The following ADGRL4 variants were observed in gnomAD, a reference collection of about 807,000 sequenced individuals.
ADGRL4 encodes the protein adhesion G protein-coupled receptor L4.
ADGRL4 carries 90 observed loss-of-function variants against 74.8 expected under a neutral mutation model. The observed-to-expected ratio is 1.20, with a 90% CI of 1.02 to 1.43. The LOEUF (loss-of-function observed/expected upper bound fraction) is 1.43. Ranked by LOEUF, ADGRL4 falls within the 40% of genes most tolerant of loss-of-function variation. The pLI is 0.00. For synonymous variants in ADGRL4, 311 were observed against 279.2 expected (o/e 1.11, Z -1.14); for missense variants, 881 against 814.3 (o/e 1.08, Z -1.00).
In ADGRL4 at chr1:78,938,284, G is replaced by GA; in HGVS notation, c.397-6dup. ...AGGTTCTTTTATGGATCTGATCTGA[G>GA]AAAAAATGAGTCCAGAAAAAGGAAA... is the stretch of plus-strand genomic sequence containing the variant. On this transcript the variant is annotated splice_polypyrimidine_tract_variant and splice_region_variant and intron_variant, in intron 4 of 14. Transcript: ENST00000370742. 1.9e-6 allele frequency: 3 copies of GA among 1,552,344 alleles called. No homozygotes were observed. The highest frequency in any genetic ancestry group is 2.5e-5 in the South Asian group (2 of 79,922).
Position 79,005,220 on chromosome 1 carries a change from C to CG in ADGRL4, c.23-2_23-1insC. ...CAATTCAACAAAGTGGAAAAAACCA[C>CG]TAAATAAAATAGAGAAATACACCTT... On this transcript the variant is annotated splice_acceptor_variant, in intron 1 of 14. Transcript: ENST00000370742. LOFTEE classifies it high-confidence loss of function. 6.2e-7 allele frequency: 1 copy of CG among 1,602,030 alleles called. No homozygotes were observed. Among genetic ancestry groups the CG allele is most frequent in the Non-Finnish European group, 8.5e-7 (1 of 1,175,098 alleles).
In ADGRL4 at chr1:78,983,911, AAGTATCTGTAAACTCAGAT is replaced by A. The variant is rs1650444671; in HGVS notation, c.172+21140_172+21158del. 2.0e-5 allele frequency among the ~76,000 whole-genome samples: 3 copies of A among 151,960 alleles called. 1 individual carries two copies. The highest frequency in any genetic ancestry group is 2.0e-4 in the Admixed American group (3 of 15,210). On this transcript the variant is annotated intron_variant, in intron 2 of 14. Transcript: ENST00000370742. ...ATATACCTTCAAAGTTCTTAGGAAA[AAGTATCTGTAAACTCAGAT>A]AGCCATCTTCAGATAAACAAACACA...
intron 3 of ADGRL4, among the ~76,000 whole-genome samples, chr1:78,945,786 T>C (rs994800921): frequency 2.0e-5 from 3 of 151,850 alleles, no homozygotes; most frequent in Non-Finnish European, 4.4e-5. Context: ...ACTTAATGCA[T>C]ATCTGAAGTG....
At chr1:78,992,195 A>C (rs1650619868) in intron 2 of ADGRL4, among the ~76,000 whole-genome samples, 1 of 152,040 alleles carries the variant, frequency 6.6e-6, no homozygotes, top group South Asian at 2.1e-4. Context: ...CCAAAGTGTT[A>C]ATTTCCTCCT....
chr1:78,952,347 C>CTTTTA (rs1649748065), intron 2 of ADGRL4, among the ~76,000 whole-genome samples: 1 of 38,672 alleles, frequency 2.6e-5, no homozygotes, highest in Non-Finnish European at 6.4e-5. Flanking sequence ...TTTTTTTTTC[C>CTTTTA]TCTTTTTCCC....
At chr1:78,912,292 G>A (rs912862418) in intron 12 of ADGRL4, among the ~76,000 whole-genome samples, 1 of 151,828 alleles carries the variant, frequency 6.6e-6, no homozygotes, top group Non-Finnish European at 1.5e-5. Flanking sequence ...GTTGTGCCAA[G>A]GAGACCCCAG....
At chr1:78,901,826 A>G (rs1446620862) in intron 12 of ADGRL4, among the ~76,000 whole-genome samples, 1 of 152,100 alleles carries the variant, frequency 6.6e-6, no homozygotes, top group Non-Finnish European at 1.5e-5. Context: ...TTCAGCACTC[A>G]CTAGGGTCAG....
chr1:78,915,402 AT>A (rs1247115610), intron 12 of ADGRL4, among the ~76,000 whole-genome samples: 10 of 151,926 alleles, frequency 6.6e-5, no homozygotes, highest in African/African-American at 9.7e-5. Context: ...TGAGATCAGG[AT>A]GATAATTTTA....
At chr1:78,983,569 A>G (rs1041506057) in intron 2 of ADGRL4, among the ~76,000 whole-genome samples, 15 of 151,834 alleles carry the variant, frequency 9.9e-5, no homozygotes, top group Non-Finnish European at 1.6e-4. Context: ...ATAAGCAAAG[A>G]GATAGAAGAT....
At chr1:78,923,636 C>T (rs148969285) in intron 8 of ADGRL4, among the ~76,000 whole-genome samples, 20 of 151,756 alleles carry the variant, frequency 1.3e-4, no homozygotes, top group Admixed American at 7.2e-4. Context: ...CAGAAAATAG[C>T]TTTTTTAAAA....
intron 2 of ADGRL4, among the ~76,000 whole-genome samples, chr1:78,975,098 TAGAG>T (rs1239991357): frequency 6.6e-6 from 1 of 152,096 alleles, no homozygotes; most frequent in Non-Finnish European, 1.5e-5. Flanking sequence ...ATTACAATCA[TAGAG>T]AGAAAAATGT....
intron 2 of ADGRL4, among the ~76,000 whole-genome samples, chr1:78,959,859 C>T (rs769473083): frequency 6.6e-6 from 1 of 152,124 alleles, no homozygotes; most frequent in African/African-American, 2.4e-5. Context: ...CATGAACCTT[C>T]TTGATAGATA....
chr1:78,973,925 G>C (rs947327493), intron 2 of ADGRL4, among the ~76,000 whole-genome samples: 5 of 151,928 alleles, frequency 3.3e-5, no homozygotes, highest in Admixed American at 6.6e-5. Context: ...TGGTAGTTAT[G>C]GGCTTTACTT....
chr1:78,981,770 C>T (rs918408874), intron 2 of ADGRL4, among the ~76,000 whole-genome samples: 1 of 151,648 alleles, frequency 6.6e-6, no homozygotes, highest in Non-Finnish European at 1.5e-5. Flanking sequence ...ATATATCTGT[C>T]TTGTGTTATG....
chr1:78,986,962 C>T (rs1570273144), intron 2 of ADGRL4, among the ~76,000 whole-genome samples: 1 of 151,694 alleles, frequency 6.6e-6, no homozygotes, highest in South Asian at 2.1e-4. Flanking sequence ...TATCATGAAA[C>T]TAACGAGGTA....
At position 78,938,093 on chromosome 1, in the gene ADGRL4, T is replaced by A. The variant is rs752981413; in HGVS notation, c.576+7A>T. ...AATTATATTGAGTTAAAGCTGAACA[T>A]ACTTACAGTAAGAGTTGAGTTAGAA... is the stretch of plus-strand genomic sequence containing the variant. On this transcript the variant is annotated splice_region_variant and intron_variant, in intron 5 of 14. Coordinates refer to ENST00000370742, the MANE Select transcript of ADGRL4 (RefSeq NM_022159.4). 9 of 1,612,182 alleles carry A rather than the reference T, an allele frequency of 5.6e-6. No individual in the cohort carries two copies. Among genetic ancestry groups the A allele is most frequent in the Non-Finnish European group, 7.6e-6 (9 of 1,179,384 alleles).
chr1:78,975,520 C>A (rs1431668893), intron 2 of ADGRL4, among the ~76,000 whole-genome samples: 1 of 151,898 alleles, frequency 6.6e-6, no homozygotes, highest in African/African-American at 2.4e-5. Context: ...CTTCAGTTGA[C>A]CCCTTATAAT....
intron 12 of ADGRL4, among the ~76,000 whole-genome samples, chr1:78,900,085 A>G (rs1648486534): frequency 6.6e-6 from 1 of 152,122 alleles, no homozygotes; most frequent in South Asian, 2.1e-4. Context: ...GAGAAATTTA[A>G]GCAGGAAAAG....
chr1:79,005,973 G>C (rs1478330372), intron 1 of ADGRL4, among the ~76,000 whole-genome samples: 2 of 152,172 alleles, frequency 1.3e-5, no homozygotes, highest in African/African-American at 4.8e-5. Flanking sequence ...ATACATCAGA[G>C]TTATTGAAAT....
Sources: gnomAD v4.1 joint callset for allele counts (sites outside exome capture counted in the v4.1 genomes callset) on GRCh38, gnomAD v4.1.1 for gene constraint, MANE v1.5 for transcripts, NCBI Gene and HGNC (gene_info 2026-07-23, HGNC 2026-07-21) for gene names.